Variants in RGL1 observed in about 807,000 individuals in gnomAD.
RGL1 encodes the protein ral guanine nucleotide dissociation stimulator-like 1.
Under a neutral mutation model 95.2 loss-of-function variants are expected in RGL1, and 24 were observed. The ratio of observed to expected loss-of-function variants is 0.25; its 90% confidence interval spans 0.18 to 0.35. RGL1 has a LOEUF of 0.35. Among genes scored for constraint, RGL1 ranks in the 10% least tolerant of loss-of-function variants. The pLI is 1.00. For synonymous variants in RGL1, 329 were observed against 344.9 expected, an observed-to-expected ratio of 0.95 and a Z score of 0.51; for missense variants, 715 against 936.3, an observed-to-expected ratio of 0.76 and a Z score of 3.08.
chr1:183,850,331 G>A (rs1664758080), intron 3 of RGL1, among the ~76,000 whole-genome samples: 1 of 151,978 alleles, frequency 6.6e-6, no homozygotes, highest in Non-Finnish European at 1.5e-5. Flanking sequence ...CGTTTTAAAA[G>A]TTATTTATTA....
rs186113354 is a variant in RGL1, at chr1:183,884,885, C to T, written c.898C>T (p.Leu300Phe). The T allele has an allele frequency of 1.2e-6, 2 of 1,614,146 alleles. No individual in the cohort carries two copies. The highest frequency in any genetic ancestry group is 3.3e-5 in the Admixed American group (2 of 60,026). ...VVSTILGGKELKTQQRAKIIE... is the reference protein window; with the variant it reads ...VVSTILGGKEFKTQQRAKIIE... ...CAGCACCATCCTGGGGGGCAAAGAACTCAAAACTCAGCAGAGAGCCAAAAT... is the reference window on the plus strand; with the variant it reads ...CAGCACCATCCTGGGGGGCAAAGAATTCAAAACTCAGCAGAGAGCCAAAAT... Residue 300 changes from leucine (L) to phenylalanine (F), a missense_variant, in exon 7 of 18, where the codon CTC (leucine) becomes TTC (phenylalanine). Leu to Phe is a conservative substitution (Grantham distance 22). Coordinates refer to ENST00000360851, the MANE Select transcript of RGL1 (RefSeq NM_001297671.3).
chr1:183,721,051 C>A (rs961962339), intron 1 of RGL1, among the ~76,000 whole-genome samples: 2 of 152,144 alleles, frequency 1.3e-5, no homozygotes, highest in Non-Finnish European at 2.9e-5. Flanking sequence ...ATGTATGGAG[C>A]TGAAAGTGAT....
intron 4 of RGL1, among the ~76,000 whole-genome samples, chr1:183,867,857 T>G (rs1001713160): frequency 1.3e-5 from 2 of 152,234 alleles, no homozygotes; most frequent in African/African-American, 4.8e-5. Flanking sequence ...GAAGAGTTAC[T>G]GATAGACTCC....
At chr1:183,673,405 C>A (rs1056361134) in intron 1 of RGL1, among the ~76,000 whole-genome samples, 1 of 152,174 alleles carries the variant, frequency 6.6e-6, no homozygotes, top group Non-Finnish European at 1.5e-5. Context: ...TCTCTTTGCA[C>A]TTAGAGAGTA....
At chr1:183,727,647 T>TA (rs2102221274) in intron 1 of RGL1, among the ~76,000 whole-genome samples, 1 of 152,262 alleles carries the variant, frequency 6.6e-6, no homozygotes, top group Non-Finnish European at 1.5e-5. Flanking sequence ...GTTAGAGAGC[T>TA]ACAAGTAAAA....
rs557883842 is a variant in RGL1 at position 183,763,394 on chromosome 1, A to T, written c.132+21105A>T. On this transcript the variant is annotated intron_variant, in intron 2 of 18. Coordinates refer to the RGL1 transcript ENST00000304685. Reference sequence around the variant, plus strand: ...CCAGAACTTAAAATATATATATATAAAAAAACACAGTATCTACTAAGTGCT... The same window carrying T: ...CCAGAACTTAAAATATATATATATATAAAAACACAGTATCTACTAAGTGCT... Among the ~76,000 whole-genome samples the T allele has an allele frequency of 7.7e-4, 118 of 152,276 alleles. 1 individual carries two copies. The highest frequency in any genetic ancestry group is 2.2e-3 in the African/African-American group (91 of 41,530).
intron 1 of RGL1, among the ~76,000 whole-genome samples, chr1:183,637,284 C>T (rs974963800): frequency 4.6e-5 from 7 of 152,170 alleles, no homozygotes; most frequent in South Asian, 2.1e-4. Flanking sequence ...GGTGTTTTAT[C>T]TCCTTCCTAG....
chr1:183,883,658 T>C (rs1666946856), intron 5 of RGL1, 128 bp from the exon 6 acceptor site: 1 of 928,936 alleles, frequency 1.1e-6, no homozygotes, highest in Middle Eastern at 3.1e-4. Flanking sequence ...GTGCTTGTGG[T>C]TGTCTCCCTG....
At chr1:183,786,991 A>G (rs890921648) in intron 2 of RGL1, among the ~76,000 whole-genome samples, 1 of 152,258 alleles carries the variant, frequency 6.6e-6, no homozygotes, top group African/African-American at 2.4e-5. Flanking sequence ...AACATGCTGT[A>G]GTGATTAAAT....
chr1:183,805,966 CTTTTCTTTTTTTTTTT>C (rs1661276961), intron 1 of RGL1, among the ~76,000 whole-genome samples: 8 of 28,390 alleles, frequency 2.8e-4, no homozygotes, highest in South Asian at 1.5e-3. Flanking sequence ...TTTTTCTTTT[CTTTTCTTTTTTTTTTT>C]TTTTTTTTTT....
At chr1:183,820,312 T>G (rs1662383857) in intron 2 of RGL1, among the ~76,000 whole-genome samples, 1 of 152,200 alleles carries the variant, frequency 6.6e-6, no homozygotes, top group Non-Finnish European at 1.5e-5. Context: ...GTTTGTGATA[T>G]TTGTTATGTT....
Position 183,685,309 on chromosome 1 carries a change from A to AATACCTTG in RGL1, c.-33+48810_-33+48817dup, listed in dbSNP as rs1165041256. 2.0e-5 allele frequency among the ~76,000 whole-genome samples: 3 copies of AATACCTTG among 152,192 alleles called. No homozygotes were observed. The East Asian group carries it at 5.8e-4, about 29-fold the overall frequency. ...GGATCAGCAGTGCCATCTTGTGGTA[A>AATACCTTG]ATACCTTGAATTACAATTAGAGGCA... is the stretch of plus-strand genomic sequence containing the variant. On this transcript the variant is annotated intron_variant, in intron 1 of 18. Transcript: ENST00000304685.
chr1:183,827,634 C>T (rs1662960250), intron 2 of RGL1, among the ~76,000 whole-genome samples: 1 of 152,242 alleles, frequency 6.6e-6, no homozygotes, highest in Non-Finnish European at 1.5e-5. Flanking sequence ...CTCTTCAGTT[C>T]AAGAGGCGTA....
At chr1:183,799,399 T>G (rs1257047823) in intron 2 of RGL1, among the ~76,000 whole-genome samples, 2 of 152,206 alleles carry the variant, frequency 1.3e-5, no homozygotes, top group South Asian at 2.1e-4. Context: ...CTGTTTTCCA[T>G]AGTGGCTGTA....
chr1:183,670,135 C>T (rs368421450), intron 1 of RGL1, among the ~76,000 whole-genome samples: 1 of 152,126 alleles, frequency 6.6e-6, no homozygotes, highest in African/African-American at 2.4e-5. Context: ...TTCTCTGTCC[C>T]TATCTCTCTC....
intron 2 of RGL1, among the ~76,000 whole-genome samples, chr1:183,781,317 T>C (rs970199403): frequency 4.6e-5 from 7 of 152,220 alleles, no homozygotes; most frequent in African/African-American, 1.4e-4. Context: ...CCCCTTACCT[T>C]AGCTGGCTGA....
intron 1 of RGL1, among the ~76,000 whole-genome samples, chr1:183,698,524 T>G (rs1450869807): frequency 1.3e-5 from 2 of 152,262 alleles, no homozygotes; most frequent in South Asian, 2.1e-4. Flanking sequence ...CAAAAATCTT[T>G]GTCTCATCTG....
intron 9 of RGL1, among the ~76,000 whole-genome samples, 166 bp from the exon 10 acceptor site, chr1:183,897,642 A>G (rs1398996770): frequency 3.3e-5 from 5 of 152,106 alleles, no homozygotes; most frequent in Non-Finnish European, 7.4e-5. Flanking sequence ...CCAGCCAAGT[A>G]TTTGCATAAT....
chr1:183,753,771 A>T (rs554438464), intron 2 of RGL1, among the ~76,000 whole-genome samples: 150 of 152,326 alleles, frequency 9.8e-4, no homozygotes, highest in Non-Finnish European at 1.8e-3. Flanking sequence ...ATAGCAAGAC[A>T]TGTAGGAACA....
Sources: gnomAD v4.1 joint callset for allele counts (sites outside exome capture counted in the v4.1 genomes callset) on GRCh38, gnomAD v4.1.1 for gene constraint, MANE v1.5 for transcripts, NCBI Gene and HGNC (gene_info 2026-07-23, HGNC 2026-07-21) for gene names.